Variants in EPHB1 observed in about 807,000 individuals in gnomAD.
EPHB1 encodes the protein ephrin type-B receptor 1.
Under a neutral mutation model 94.4 loss-of-function variants are expected in EPHB1, and 30 were observed. The observed-to-expected ratio is 0.32, with a 90% CI of 0.24 to 0.43. EPHB1 has a LOEUF of 0.43. EPHB1 is among the 20% of genes least tolerant of loss of function. EPHB1 has a pLI of 1.00. For synonymous variants in EPHB1, 522 were observed against 489.1 expected (o/e 1.07, Z -0.89); for missense variants, 1,055 against 1,308.3 (o/e 0.81, Z 2.99).
At chr3:135,214,120 C>T (rs958550820) in intron 12 of EPHB1, among the ~76,000 whole-genome samples, 3 of 152,206 alleles carry the variant, frequency 2.0e-5, no homozygotes, top group Non-Finnish European at 4.4e-5. Context: ...TACTTTCTCT[C>T]TTCTCATGTC....
intron 10 of EPHB1, among the ~76,000 whole-genome samples, chr3:135,184,017 G>A (rs1422861184): frequency 1.3e-5 from 2 of 152,198 alleles, no homozygotes; most frequent in Middle Eastern, 3.2e-3. Context: ...CAAGTTATGA[G>A]GTTTTGTTTA....
At chr3:135,093,012 C>T (rs570761285) in intron 3 of EPHB1, among the ~76,000 whole-genome samples, 20 of 152,326 alleles carry the variant, frequency 1.3e-4, no homozygotes, top group South Asian at 4.1e-4. Context: ...CCTTACACTT[C>T]TGATTCCTGC....
intron 1 of EPHB1, among the ~76,000 whole-genome samples, chr3:134,865,922 A>G (rs9819889): frequency 0.55 from 83,196 of 152,180 alleles, 25,627 homozygotes; most frequent in East Asian, 0.8. Flanking sequence ...AGGAAGGGGA[A>G]GTTAAGAAGC....
chr3:135,082,299 G>T (rs561639624), intron 3 of EPHB1, among the ~76,000 whole-genome samples: 1 of 152,348 alleles, frequency 6.6e-6, no homozygotes, highest in South Asian at 2.1e-4. Context: ...ACAGAAGTGT[G>T]CAAAGATAAA....
intron 12 of EPHB1, among the ~76,000 whole-genome samples, chr3:135,218,324 G>A (rs1943201045): frequency 1.3e-5 from 2 of 152,122 alleles, no homozygotes. Flanking sequence ...GCTCCTCCTT[G>A]CTCTGATATC....
At chr3:134,948,223 G>T (rs1196202223) in intron 2 of EPHB1, among the ~76,000 whole-genome samples, 1 of 151,952 alleles carries the variant, frequency 6.6e-6, no homozygotes, top group Non-Finnish European at 1.5e-5. Flanking sequence ...TCTAAATGGG[G>T]TCACATGCTT....
At chr3:135,046,790 T>C (rs1937012094) in intron 3 of EPHB1, among the ~76,000 whole-genome samples, 2 of 152,226 alleles carry the variant, frequency 1.3e-5, no homozygotes, top group South Asian at 2.1e-4. Context: ...ATGGGAAATA[T>C]AACCCTTACT....
intron 1 of EPHB1, among the ~76,000 whole-genome samples, chr3:134,846,781 C>G (rs2036879844): frequency 6.6e-6 from 1 of 152,090 alleles, no homozygotes; most frequent in Non-Finnish European, 1.5e-5. Flanking sequence ...GACCCTGGTC[C>G]ATCATTGAGG....
intron 3 of EPHB1, among the ~76,000 whole-genome samples, chr3:135,029,340 A>G (rs1480668874): frequency 1.3e-5 from 2 of 152,008 alleles, no homozygotes; most frequent in East Asian, 1.9e-4. Flanking sequence ...ACATTTTGGC[A>G]TGATTTTGCA....
At chr3:135,197,060 C>G (rs1942639119) in intron 11 of EPHB1, among the ~76,000 whole-genome samples, 1 of 150,926 alleles carries the variant, frequency 6.6e-6, no homozygotes, top group Admixed American at 6.6e-5. Context: ...GAGTTTGAGA[C>G]CTGCCTGGGC....
chr3:134,837,910 C>T lies in EPHB1; in HGVS notation c.58+42221C>T, dbSNP rs572603753. Among the ~76,000 whole-genome samples the T allele has an allele frequency of 7.2e-5, 11 of 152,216 alleles. No homozygotes were observed. The South Asian group carries it at 2.3e-3, about 32-fold the overall frequency. On this transcript the variant is annotated intron_variant, in intron 1 of 15. Transcript: ENST00000398015. ...AGCAGTCATACCTCCTGTCTCTGAC[C>T]CCAGAGCAGGCACTGGACATTACGT...
chr3:135,218,991 AG>A (rs1349283075), intron 12 of EPHB1, among the ~76,000 whole-genome samples: 4 of 152,184 alleles, frequency 2.6e-5, no homozygotes, highest in African/African-American at 9.6e-5. Context: ...TTGCTCAGCA[AG>A]GACAGAGTGT....
At chr3:135,096,879 C>T (rs762111031) in intron 3 of EPHB1, among the ~76,000 whole-genome samples, 34 of 152,070 alleles carry the variant, frequency 2.2e-4, no homozygotes, top group Non-Finnish European at 4.6e-4. Context: ...GGGCGGATCA[C>T]GAGGTCGGGA....
chr3:135,138,375 T>C (rs998655442), intron 5 of EPHB1, among the ~76,000 whole-genome samples: 5 of 152,364 alleles, frequency 3.3e-5, no homozygotes, highest in Middle Eastern at 3.4e-3. Flanking sequence ...TCAATTCCTC[T>C]GAATACATCA....
intron 1 of EPHB1, among the ~76,000 whole-genome samples, chr3:134,832,539 A>C (rs370332517): frequency 2.0e-5 from 3 of 152,206 alleles, no homozygotes; most frequent in Non-Finnish European, 4.4e-5. Context: ...CCCCTTACCC[A>C]CATACAAACT....
At chr3:134,983,201 C>T (rs545175358) in intron 3 of EPHB1, among the ~76,000 whole-genome samples, 6 of 152,174 alleles carry the variant, frequency 3.9e-5, no homozygotes, top group African/African-American at 9.7e-5. Context: ...CCTTCATTGG[C>T]GAGTGTGTGT....
At chr3:134,895,884 C>T (rs1298422724) in intron 1 of EPHB1, among the ~76,000 whole-genome samples, 1 of 152,136 alleles carries the variant, frequency 6.6e-6, no homozygotes, top group Non-Finnish European at 1.5e-5. Context: ...TAAGGCTGTC[C>T]TCTACTTTTC....
intron 3 of EPHB1, among the ~76,000 whole-genome samples, chr3:135,071,817 C>T (rs1024470497): frequency 6.6e-6 from 1 of 152,180 alleles, no homozygotes; most frequent in Non-Finnish European, 1.5e-5. Flanking sequence ...TGAGTGCATC[C>T]CACACTGAAC....
In EPHB1 at chr3:135,106,643, TC is replaced by T. The variant is rs754888938; in HGVS notation, c.961+43del. ...ATGGCTCTGGGCTGGGGAGTTTGGT[TC>T]CCTGATGGTGCAAGTGGTGGGTCTG... On this transcript the variant is annotated intron_variant, in intron 4 of 15. Coordinates refer to ENST00000398015, the MANE Select transcript of EPHB1 (RefSeq NM_004441.5). The T allele has an allele frequency of 1.9e-6, 3 of 1,607,754 alleles. No individual in the cohort carries two copies. The African/African-American group carries it at 4.0e-5, about 21-fold the overall frequency.
Sources: gnomAD v4.1 joint callset for allele counts (sites outside exome capture counted in the v4.1 genomes callset) on GRCh38, gnomAD v4.1.1 for gene constraint, MANE v1.5 for transcripts, NCBI Gene and HGNC (gene_info 2026-07-23, HGNC 2026-07-21) for gene names.